The following FAM241A variants were observed in gnomAD, a reference collection of about 807,000 sequenced individuals.
The protein encoded by FAM241A is uncharacterized protein FAM241A.
FAM241A carries 7 observed loss-of-function variants against 12.2 expected under a neutral mutation model. That is an observed-to-expected ratio of 0.58 (90% CI 0.33 to 1.08). The LOEUF (loss-of-function observed/expected upper bound fraction) is 1.08. Ranked by LOEUF, FAM241A falls within the 50% of genes least tolerant of loss-of-function variation. The pLI is 0.04. For synonymous variants in FAM241A, 74 were observed against 68.2 expected, an observed-to-expected ratio of 1.08 and a Z score of -0.42; for missense variants, 161 against 169.7, an observed-to-expected ratio of 0.95 and a Z score of 0.29.
intron 1 of FAM241A, among the ~76,000 whole-genome samples, chr4:112,157,966 C>T (rs41534946): frequency 0.03 from 4,511 of 152,088 alleles, 184 homozygotes; most frequent in East Asian, 0.16. Context: ...AGGGCAAGAA[C>T]GAAGTGATTT....
intron 1 of FAM241A, among the ~76,000 whole-genome samples, chr4:112,178,608 G>A (rs992984646): frequency 3.0e-4 from 45 of 152,238 alleles, no homozygotes; most frequent in African/African-American, 1.1e-3. Flanking sequence ...GCCCCCAAAA[G>A]CGATTGCAAC....
At chr4:112,185,222 T>A (rs867878408) in intron 1 of FAM241A, among the ~76,000 whole-genome samples, 8 of 152,150 alleles carry the variant, frequency 5.3e-5, no homozygotes, top group Admixed American at 3.9e-4. Context: ...GTTTTTCTTT[T>A]GTGATTCTAC....
chr4:112,186,486 A>T (rs937505157), intron 1 of FAM241A, among the ~76,000 whole-genome samples: 23 of 152,318 alleles, frequency 1.5e-4, no homozygotes, highest in African/African-American at 5.3e-4. Flanking sequence ...CTCACAAGAG[A>T]AATACAAACA....
chr4:112,178,631 T>G (rs1423090155), intron 1 of FAM241A, among the ~76,000 whole-genome samples: 1 of 152,088 alleles, frequency 6.6e-6, no homozygotes, highest in African/African-American at 2.4e-5. Flanking sequence ...GAACAAAAAT[T>G]GACAAGTGGG....
Position 112,190,251 on chromosome 4 carries a change from G to T in FAM241A, c.*3313G>T, listed in dbSNP as rs1436684824. On this transcript the variant is annotated 3_prime_UTR_variant, in exon 2 of 2. Coordinates refer to ENST00000309733, the MANE Select transcript of FAM241A (RefSeq NM_152400.3). The stretch of plus-strand genomic sequence containing the variant: ...GAAAGCTCAAAATAGTCAAAGCCAG[G>T]TTTGGAGCAATCAAAGGCTATTCGT... 6.6e-6 allele frequency: 1 copy of T among 152,166 alleles called. No homozygotes were observed. Among genetic ancestry groups the T allele is most frequent in the Non-Finnish European group, 1.5e-5 (1 of 68,034 alleles). The allele number at this position is 152,166 out of a possible 1,614,324, so 9.4% of individuals were successfully genotyped here.
rs2110436733 is a variant in FAM241A at position 112,186,981 on chromosome 4, T to C, written c.*43T>C. 6.3e-7 allele frequency: 1 copy of C among 1,577,518 alleles called. No homozygotes were observed. Among genetic ancestry groups the C allele is most frequent in the East Asian group, 2.3e-5 (1 of 44,374 alleles). On this transcript the variant is annotated 3_prime_UTR_variant, in exon 2 of 2. Transcript: ENST00000309733. ...TTGTTTGACATTTGGTAGCCATATATGTAATTGAAGAAGTTATATATTTCA... is the reference window on the plus strand; with the variant it reads ...TTGTTTGACATTTGGTAGCCATATACGTAATTGAAGAAGTTATATATTTCA...
chr4:112,186,652 C>T (rs527843136), intron 1 of FAM241A, 41 bp from the exon 2 acceptor site: 1 of 1,562,008 alleles, frequency 6.4e-7, no homozygotes, highest in East Asian at 2.2e-5. Context: ...ACATATTTCT[C>T]ATGTTATGTT....
intron 1 of FAM241A, among the ~76,000 whole-genome samples, chr4:112,170,314 T>C (rs2110429297): frequency 6.6e-6 from 1 of 152,322 alleles, no homozygotes; most frequent in South Asian, 2.1e-4. Context: ...AAATTGATGA[T>C]AGTACTGAAC....
At chr4:112,162,741 AATTTATAG>A (rs1723502330) in intron 1 of FAM241A, among the ~76,000 whole-genome samples, 1 of 152,206 alleles carries the variant, frequency 6.6e-6, no homozygotes, top group South Asian at 2.1e-4. Context: ...TGCCCAAGGT[AATTTATAG>A]ATTCAGTGCC....
chr4:112,150,881 A>T (rs886525205), intron 1 of FAM241A, among the ~76,000 whole-genome samples: 1 of 152,242 alleles, frequency 6.6e-6, no homozygotes, highest in African/African-American at 2.4e-5. Context: ...TACTTAGAGC[A>T]GTCTCTGGCA....
chr4:112,171,635 G>T, intron 1 of FAM241A: 2 of 519,650 alleles, frequency 3.8e-6, no homozygotes, highest in Non-Finnish European at 7.0e-6. Context: ...CGAGGCGGGC[G>T]AATCACGAGG....
At chr4:112,171,244 C>T in intron 1 of FAM241A, 2 of 739,234 alleles carry the variant, frequency 2.7e-6, no homozygotes, top group Non-Finnish European at 4.9e-6. Flanking sequence ...ACCCACTGGA[C>T]TTTCTGTACG....
At chr4:112,170,237 T>G (rs1276708209) in intron 1 of FAM241A, among the ~76,000 whole-genome samples, 1 of 152,206 alleles carries the variant, frequency 6.6e-6, no homozygotes, top group East Asian at 1.9e-4. Flanking sequence ...TTTTTAGTTA[T>G]TAAGCACATA....
intron 1 of FAM241A, among the ~76,000 whole-genome samples, chr4:112,146,156 A>T (rs1032964559): frequency 6.6e-5 from 10 of 152,026 alleles, no homozygotes; most frequent in Non-Finnish European, 1.3e-4. Context: ...CCCGCCCTCC[A>T]TCTTGCGTTT....
At position 112,192,788 on chromosome 4, in the gene FAM241A, A is replaced by G. The variant is rs1349490965; in HGVS notation, c.*5850A>G. On this transcript the variant is annotated 3_prime_UTR_variant, in exon 2 of 2. Transcript: ENST00000309733. ...TGGTTCCAAGTCTTTGCTATTGTGA[A>G]TAGTGCTGCAATAAACATACGTGTG... The G allele has an allele frequency of 1.3e-5, 2 of 151,668 alleles. No homozygotes were observed. Among genetic ancestry groups the G allele is most frequent in the African/African-American group, 2.4e-5 (1 of 41,188 alleles). The allele number at this position is 151,668 out of a possible 1,614,324, so 9.4% of individuals were successfully genotyped here. A position where few individuals can be genotyped will look rare whatever the true frequency, so the allele number is the denominator to read the frequency against.
intron 1 of FAM241A, among the ~76,000 whole-genome samples, chr4:112,151,425 A>G (rs375954838): frequency 6.6e-6 from 1 of 152,174 alleles, no homozygotes; most frequent in East Asian, 1.9e-4. Context: ...ATCCAGTGCT[A>G]TATTGTCTGT....
chr4:112,166,192 GT>G (rs748746266), intron 1 of FAM241A, among the ~76,000 whole-genome samples: 2 of 151,370 alleles, frequency 1.3e-5, no homozygotes, highest in Admixed American at 6.6e-5. Flanking sequence ...GGGACTACAG[GT>G]GCCCCCCACC....
At chr4:112,182,646 C>T (rs1723962776) in intron 1 of FAM241A, among the ~76,000 whole-genome samples, 1 of 152,090 alleles carries the variant, frequency 6.6e-6, no homozygotes, top group South Asian at 2.1e-4. Flanking sequence ...TGGCTCCTAC[C>T]AATCGTCAAA....
chr4:112,147,347 T>C (rs1187862006), intron 1 of FAM241A, among the ~76,000 whole-genome samples: 1 of 152,240 alleles, frequency 6.6e-6, no homozygotes, highest in Non-Finnish European at 1.5e-5. Flanking sequence ...ATTAATGTAT[T>C]CTAAGCCCCC....
Sources: gnomAD v4.1 joint callset for allele counts (sites outside exome capture counted in the v4.1 genomes callset) on GRCh38, gnomAD v4.1.1 for gene constraint, MANE v1.5 for transcripts, NCBI Gene and HGNC (gene_info 2026-07-23, HGNC 2026-07-21) for gene names.